TACC2: variants seen among roughly 807,000 people sequenced by gnomAD.
TACC2 encodes transforming acidic coiled-coil containing protein 2, also known as transforming acidic coiled-coil-containing protein 2.
TACC2 carries 137 observed loss-of-function variants against 227.3 expected under a neutral mutation model. The ratio of observed to expected loss-of-function variants is 0.60; its 90% CI spans 0.52 to 0.69. The LOEUF is 0.69. Among genes scored for constraint, TACC2 ranks in the 30% least tolerant of loss-of-function variants. The pLI is 0.00. For synonymous variants in TACC2, 1,523 were observed against 1,487.5 expected (o/e 1.02, Z -0.55); for missense variants, 3,470 against 3,694.4 (o/e 0.94, Z 1.57).
At chr10:122,073,410 T>C (rs1451939353) in intron 3 of TACC2, among the ~76,000 whole-genome samples, 1 of 152,150 alleles carries the variant, frequency 6.6e-6, no homozygotes, top group East Asian at 1.9e-4. Flanking sequence ...GTTCACATCT[T>C]CCTGGTTGAC....
intron 9 of TACC2, among the ~76,000 whole-genome samples, chr10:122,214,094 G>A (rs2095352097): frequency 6.6e-6 from 1 of 152,130 alleles, no homozygotes; most frequent in Non-Finnish European, 1.5e-5. Context: ...GGGCAGCTCG[G>A]GGGGGTCCAA....
intron 7 of TACC2, among the ~76,000 whole-genome samples, chr10:122,173,584 A>C (rs1181125662): frequency 6.6e-6 from 1 of 152,224 alleles, no homozygotes. Context: ...AAGAGGCAAG[A>C]GGCTGGAGGA....
At chr10:122,142,455 A>G (rs1277710493) in intron 6 of TACC2, among the ~76,000 whole-genome samples, 1 of 152,230 alleles carries the variant, frequency 6.6e-6, no homozygotes, top group Admixed American at 6.5e-5. Context: ...CTTATGGGCA[A>G]GACTGAGTCC....
At chr10:122,066,883 T>A (rs1294288937) in intron 3 of TACC2, among the ~76,000 whole-genome samples, 1 of 152,238 alleles carries the variant, frequency 6.6e-6, no homozygotes, top group East Asian at 1.9e-4. Context: ...AAGTACAATA[T>A]ACATCTTTAA....
At chr10:122,063,872 G>A (rs2077111946) in intron 3 of TACC2, among the ~76,000 whole-genome samples, 1 of 151,118 alleles carries the variant, frequency 6.6e-6, no homozygotes, top group Non-Finnish European at 1.5e-5. Flanking sequence ...AAAGAAATGT[G>A]TGTGTGTGGT....
intron 5 of TACC2, among the ~76,000 whole-genome samples, chr10:122,114,129 G>C (rs1021145532): frequency 1.3e-5 from 2 of 152,192 alleles, no homozygotes; most frequent in Admixed American, 1.3e-4. Context: ...CCTAAGGAGG[G>C]GCGGCTGGAG....
rs142799919 is a variant in TACC2 at position 122,075,648 on chromosome 10, C to T, written c.147-6999C>T. 7.9e-5 allele frequency among the ~76,000 whole-genome samples: 12 copies of T among 152,294 alleles called. No homozygotes were observed. The East Asian group carries it at 1.9e-3, about 24-fold the overall frequency. On this transcript the variant is annotated intron_variant, in intron 3 of 22. Coordinates refer to ENST00000369005, the MANE Select transcript of TACC2 (RefSeq NM_206862.4). ...GAGCTGGGGATCACCTTTCAGTCCT[C>T]GAATCCTCTCATCTCCACCACAGCT... is the stretch of plus-strand genomic sequence containing the variant.
chr10:122,171,181 G>T (rs554686041), intron 7 of TACC2, among the ~76,000 whole-genome samples: 30 of 152,310 alleles, frequency 2.0e-4, no homozygotes, highest in African/African-American at 7.0e-4. Context: ...CCTCCCCGCA[G>T]GTTTTGTACC....
Position 122,021,991 on chromosome 10 carries a change from G to A in TACC2, c.10G>A (p.Glu4Lys), listed in dbSNP as rs1384553919. Residue 4 changes from glutamate (E) to lysine (K), a missense_variant, in exon 2 of 23, where the codon GAG becomes AAG. Physicochemically the swap from Glu to Lys is moderately conservative, Grantham distance 56. Around this residue, in one of 10 missense-constraint regions of TACC2, gnomAD observed 405 missense variants for 389.6 expected, o/e 1.04. Transcript: ENST00000369005. MGN[E>K]NSTSDNQRTL... Reference sequence around the variant, plus strand: ...GGAACACTGAATCAACATGGGCAATGAGAACAGCACCTCGGACAACCAGGT... The same window carrying A: ...GGAACACTGAATCAACATGGGCAATAAGAACAGCACCTCGGACAACCAGGT... 5 of 1,614,046 alleles carry A rather than the reference G, an allele frequency of 3.1e-6. No homozygotes were observed. Among genetic ancestry groups the A allele is most frequent in the African/African-American group, 2.7e-5 (2 of 74,910 alleles).
intron 5 of TACC2, among the ~76,000 whole-genome samples, chr10:122,130,754 T>C (rs982876010): frequency 6.6e-6 from 1 of 152,196 alleles, no homozygotes; most frequent in African/African-American, 2.4e-5. Flanking sequence ...TAAAGTGTGT[T>C]TAATAATCGT....
chr10:122,170,345 A>G (rs1486650323), intron 7 of TACC2, among the ~76,000 whole-genome samples: 1 of 139,982 alleles, frequency 7.1e-6, no homozygotes, highest in African/African-American at 2.7e-5. Context: ...TCTGGGCCAC[A>G]TTGCAGCCTC....
At chr10:122,016,008 C>T (rs142080663) in intron 1 of TACC2, among the ~76,000 whole-genome samples, 12 of 151,622 alleles carry the variant, frequency 7.9e-5, no homozygotes, top group African/African-American at 2.7e-4. Context: ...CACATGTAAT[C>T]CTAGCACTTT....
chr10:122,139,289 G>A (rs1225436897), intron 6 of TACC2, among the ~76,000 whole-genome samples: 3 of 152,238 alleles, frequency 2.0e-5, no homozygotes, highest in Non-Finnish European at 2.9e-5. Flanking sequence ...GGAGCCCAGC[G>A]CCCGCTGGAA....
intron 5 of TACC2, among the ~76,000 whole-genome samples, chr10:122,104,371 AT>A (rs948274667): frequency 2.1e-4 from 32 of 149,672 alleles, no homozygotes; most frequent in Admixed American, 8.0e-4. Context: ...TTATTTTATG[AT>A]TTTTTTTTTC....
At chr10:122,252,481 G>GT (rs758449522) in intron 22 of TACC2, among the ~76,000 whole-genome samples, 25 of 148,568 alleles carry the variant, frequency 1.7e-4, no homozygotes, top group Admixed American at 3.4e-4. Flanking sequence ...GGCAATGAGA[G>GT]TTTTTTTTTT....
chr10:122,106,136 C>G (rs1592071267), intron 5 of TACC2, among the ~76,000 whole-genome samples: 3 of 151,730 alleles, frequency 2.0e-5, no homozygotes, highest in South Asian at 4.2e-4. Flanking sequence ...TACAGGCGTC[C>G]ACCACCATGC....
chr10:122,064,434 T>A (rs2077176120), intron 3 of TACC2, among the ~76,000 whole-genome samples: 1 of 152,198 alleles, frequency 6.6e-6, no homozygotes, highest in Non-Finnish European at 1.5e-5. Flanking sequence ...TCCCTCAGTG[T>A]CATTAATATG....
chr10:122,133,357 C>T (rs1001946222), intron 6 of TACC2, among the ~76,000 whole-genome samples: 2 of 152,174 alleles, frequency 1.3e-5, no homozygotes, highest in African/African-American at 4.8e-5. Context: ...CTTCACTGCT[C>T]CTTCTGCCTG....
chr10:122,163,881 C>T, intron 7 of TACC2: 1 of 1,544,604 alleles, frequency 6.5e-7, no homozygotes, highest in South Asian at 1.2e-5. Flanking sequence ...CGCCAGGACG[C>T]TGGCCCCGCT....
Sources: allele counts gnomAD v4.1 joint callset (sites outside exome capture counted in the v4.1 genomes callset), GRCh38; gene constraint gnomAD v4.1.1; regional missense constraint gnomAD v4.1.1; transcripts MANE v1.5; gene names NCBI Gene and HGNC (gene_info 2026-07-23, HGNC 2026-07-21).